LGR4: variants seen among roughly 807,000 people sequenced by gnomAD.
LGR4 encodes the protein leucine rich repeat containing G protein-coupled receptor 4.
LGR4 carries 44 observed loss-of-function variants against 84.8 expected under a neutral mutation model. The observed-to-expected ratio is 0.52, with a 90% CI of 0.41 to 0.67. The LOEUF is 0.67. Ranked by LOEUF, LGR4 falls within the 30% of genes least tolerant of loss-of-function variation. LGR4 has a pLI of 0.00. For synonymous variants in LGR4, 429 were observed against 434.3 expected (o/e 0.99, Z 0.15); for missense variants, 1,032 against 1,131.4 (o/e 0.91, Z 1.26).
At chr11:27,398,528 A>G (rs1863433511) in intron 2 of LGR4, among the ~76,000 whole-genome samples, 1 of 152,206 alleles carries the variant, frequency 6.6e-6, no homozygotes, top group Non-Finnish European at 1.5e-5. Context: ...CTGATTAGAC[A>G]TATGGACTGA....
chr11:27,368,314 G>A lies in LGR4; in HGVS notation c.2409C>T (p.Phe803=), dbSNP rs763158641. Reference sequence around the variant, plus strand: ...AGTCTTCTTTAAACTTTGGGTTGAAGAAAACATACAGGACTGGATTCAGGC... The same window carrying A: ...AGTCTTCTTTAAACTTTGGGTTGAAAAAAACATACAGGACTGGATTCAGGC... ...PACLNPVLYV[F]FNPKFKEDWK... is the part of the protein sequence containing the mutation. The change falls in exon 18 of 18, where the codon TTC becomes TTT. Residue 803 remains phenylalanine (F), a synonymous_variant. Coordinates refer to ENST00000379214, the MANE Select transcript of LGR4 (RefSeq NM_018490.5). 4.0e-5 allele frequency: 65 copies of A among 1,613,950 alleles called. No individual in the cohort carries two copies. The highest frequency in any genetic ancestry group is 5.3e-5 in the Non-Finnish European group (63 of 1,180,004).
intron 2 of LGR4, among the ~76,000 whole-genome samples, chr11:27,408,706 G>T (rs1296087354): frequency 6.6e-6 from 1 of 152,054 alleles, no homozygotes; most frequent in Non-Finnish European, 1.5e-5. Flanking sequence ...TTTACATTGT[G>T]AACAGAAACT....
At position 27,472,232 on chromosome 11, in the gene LGR4, G is replaced by A. The variant is rs1308150051; in HGVS notation, c.71C>T (p.Ala24Val). The change falls in exon 1 of 18, where the codon GCG becomes GTG. Residue 24 changes from alanine (A) to valine (V), a missense_variant. Ala to Val is a moderately conservative substitution (Grantham distance 64). Transcript: ENST00000379214. ...GLLGSAGPSG[A>V]APPLCAAPCS... Reference sequence around the variant, plus strand: ...GGGCGCCGCGCAGAGAGGCGGCGCCGCGCCGCTGGGCCCGGCCGAGCCGAG... The same window carrying A: ...GGGCGCCGCGCAGAGAGGCGGCGCCACGCCGCTGGGCCCGGCCGAGCCGAG... 7.4e-7 allele frequency: 1 copy of A among 1,346,790 alleles called. No individual in the cohort carries two copies. The highest frequency in any genetic ancestry group is 9.5e-7 in the Non-Finnish European group (1 of 1,052,084). The allele number at this position is 1,346,790 out of a possible 1,614,324, so 83.4% of individuals were successfully genotyped here. A position where few individuals can be genotyped will look rare whatever the true frequency, so the allele number is the denominator to read the frequency against.
chr11:27,374,072 A>C, intron 13 of LGR4, 26 bp from the exon 14 acceptor site: 1 of 1,462,768 alleles, frequency 6.8e-7, no homozygotes, highest in Non-Finnish European at 9.6e-7. Flanking sequence ...TAACATGTTA[A>C]TCTTTCAAAT....
chr11:27,412,307 C>T (rs918811247), intron 2 of LGR4, among the ~76,000 whole-genome samples: 12 of 152,076 alleles, frequency 7.9e-5, no homozygotes, highest in African/African-American at 2.9e-4. Context: ...ATGCCTTCAC[C>T]CCATTTCCAA....
chr11:27,380,236 C>T, intron 10 of LGR4, 35 bp downstream of exon 10: 1 of 1,402,486 alleles, frequency 7.1e-7, no homozygotes, highest in South Asian at 1.2e-5. Flanking sequence ...GTAGTGTTAT[C>T]TTTATACAAC....
rs573378105 is a variant in LGR4 at position 27,452,785 on chromosome 11, G to A, written c.185+19333C>T. The stretch of plus-strand genomic sequence containing the variant: ...ACTACAGGTGCCCGCCACCACGTCC[G>A]GCTAATTTTTTTTTTTTTTTTGTAT... On this transcript the variant is annotated intron_variant, in intron 1 of 17. Transcript: ENST00000379214. Among the ~76,000 whole-genome samples the A allele has an allele frequency of 4.7e-3, 709 of 150,154 alleles. 23 individuals are homozygous for A. Among genetic ancestry groups the A allele is most frequent in the Non-Finnish European group, 8.5e-4 (57 of 67,382 alleles).
At chr11:27,413,599 A>G (rs1157576850) in intron 1 of LGR4, among the ~76,000 whole-genome samples, 2 of 152,156 alleles carry the variant, frequency 1.3e-5, no homozygotes, top group Non-Finnish European at 2.9e-5. Flanking sequence ...ACCATGAAAG[A>G]CAGGTTAAAA....
intron 4 of LGR4, among the ~76,000 whole-genome samples, chr11:27,387,578 A>T (rs915440956): frequency 1.3e-5 from 2 of 152,146 alleles, no homozygotes; most frequent in African/African-American, 4.8e-5. Flanking sequence ...ATGATCCAGC[A>T]ACTCCCAGAA....
intron 17 of LGR4, among the ~76,000 whole-genome samples, chr11:27,369,646 A>C (rs780325162): frequency 6.6e-6 from 1 of 152,232 alleles, no homozygotes; most frequent in Non-Finnish European, 1.5e-5. Context: ...TATACACATA[A>C]GGAACTAAGC....
intron 2 of LGR4, among the ~76,000 whole-genome samples, chr11:27,407,419 C>A (rs1281686015): frequency 6.6e-6 from 1 of 152,110 alleles, no homozygotes; most frequent in Non-Finnish European, 1.5e-5. Context: ...TGCTTTTACT[C>A]TATGAGCACA....
At chr11:27,384,670 TG>T (rs956342835) in intron 5 of LGR4, among the ~76,000 whole-genome samples, 61 of 152,284 alleles carry the variant, frequency 4.0e-4, no homozygotes, top group Admixed American at 3.3e-3. Flanking sequence ...GGTACATACA[TG>T]GAAGATTAAT....
chr11:27,442,341 C>A (rs1304834647), intron 1 of LGR4, among the ~76,000 whole-genome samples: 1 of 152,140 alleles, frequency 6.6e-6, no homozygotes, highest in Non-Finnish European at 1.5e-5. Context: ...GCCTGATAGG[C>A]CACAAGATGA....
chr11:27,468,698 C>T (rs890349538), intron 1 of LGR4, among the ~76,000 whole-genome samples: 114 of 94,594 alleles, frequency 1.2e-3, no homozygotes, highest in African/African-American at 3.0e-3. Context: ...GAAATTGTCA[C>T]GAGAAAAAAA....
intron 1 of LGR4, among the ~76,000 whole-genome samples, chr11:27,434,549 CAA>C (rs1416555333): frequency 6.6e-6 from 1 of 152,086 alleles, no homozygotes; most frequent in Admixed American, 6.5e-5. Flanking sequence ...CAAAAAATAA[CAA>C]AAAAGATTAC....
intron 1 of LGR4, among the ~76,000 whole-genome samples, chr11:27,440,476 G>C (rs187218221): frequency 1.3e-5 from 2 of 152,196 alleles, no homozygotes; most frequent in Admixed American, 1.3e-4. Context: ...TGTGGGAAAA[G>C]ATTCCAGTTT....
chr11:27,375,308 A>G (rs932432032), intron 13 of LGR4, among the ~76,000 whole-genome samples: 24 of 151,614 alleles, frequency 1.6e-4, no homozygotes, highest in African/African-American at 5.3e-4. Context: ...AAAAAAAAAA[A>G]AAAAAGAAAA....
At chr11:27,427,933 T>C (rs1374458489) in intron 1 of LGR4, among the ~76,000 whole-genome samples, 3 of 152,196 alleles carry the variant, frequency 2.0e-5, no homozygotes, top group African/African-American at 7.2e-5. Context: ...CCTCTTTCCC[T>C]ATCAGCTAAA....
intron 4 of LGR4, among the ~76,000 whole-genome samples, chr11:27,389,473 T>C (rs1029713409): frequency 1.3e-5 from 2 of 152,134 alleles, no homozygotes; most frequent in Non-Finnish European, 2.9e-5. Context: ...TTAAATCATC[T>C]ACATTACCAA....
Sources: gnomAD v4.1 joint callset for allele counts (sites outside exome capture counted in the v4.1 genomes callset) on GRCh38, gnomAD v4.1.1 for gene constraint, MANE v1.5 for transcripts, NCBI Gene and HGNC (gene_info 2026-07-23, HGNC 2026-07-21) for gene names.